The following DYNC1H1 variants were observed in gnomAD, a reference collection of about 807,000 sequenced individuals.
The protein encoded by DYNC1H1 is dynein cytoplasmic 1 heavy chain 1.
A neutral mutation model predicts 527.1 loss-of-function variants in DYNC1H1; 51 were observed. The ratio of observed to expected loss-of-function variants is 0.10; its 90% CI spans 0.08 to 0.12. The LOEUF is 0.12. DYNC1H1 is among the 10% of genes least tolerant of loss of function. The probability of loss-of-function intolerance (pLI) is 1.00; values close to 1 mark genes in which losing one functional copy is unlikely to be tolerated. For missense variants in DYNC1H1, 2,771 were observed against 5,971.8 expected, an observed-to-expected ratio of 0.46 and a Z score of 17.66; for synonymous variants, 2,189 against 2,278.8, an observed-to-expected ratio of 0.96 and a Z score of 1.12.
In DYNC1H1 at chr14:101,975,768, A is replaced by T. The variant is rs778763364; in HGVS notation, c.313A>T (p.Ile105Leu). ...EKEFISYNIN[I>L]DIHYGVKSNS... ...AGAATTCATTTCCTATAACATCAAC[A>T]TAGACATTCATTATGGGGTTAAATC... is the stretch of plus-strand genomic sequence containing the variant. Residue 105 changes from isoleucine (I) to leucine (L), a missense_variant, in exon 2 of 78, where the codon ATA (isoleucine) becomes TTA (leucine). By Grantham distance (5) the Ile-to-Leu change is conservative. This residue lies in a region of DYNC1H1 where 146 missense variants were observed against 288.1 expected (regional missense o/e 0.51). Transcript: ENST00000360184. 1 of 1,613,666 alleles carries T rather than the reference A, an allele frequency of 6.2e-7. No individual in the cohort carries two copies. The highest frequency in any genetic ancestry group is 8.5e-7 in the Non-Finnish European group (1 of 1,179,588).
intron 23 of DYNC1H1, among the ~76,000 whole-genome samples, chr14:102,003,567 A>T (rs1465079764): frequency 6.6e-6 from 1 of 152,190 alleles, no homozygotes; most frequent in Non-Finnish European, 1.5e-5. Context: ...AGCCTCTGAC[A>T]GTTTTCTAAG....
In DYNC1H1 at chr14:102,026,637, T is replaced by C; in HGVS notation, c.8701T>C (p.Tyr2901His). The C allele has an allele frequency of 6.2e-7, 1 of 1,614,232 alleles. No individual in the cohort carries two copies. Among genetic ancestry groups the C allele is most frequent in the South Asian group, 1.1e-5 (1 of 91,086 alleles). ...TGTCAAAGCTAGGCTGAAGGTCTTT[T>C]ATGAAGAAGAACTTGATGTTCCGCT... The part of the protein sequence containing the change: ...DYVKARLKVF[Y>H]EEELDVPLVL... The change falls in exon 44 of 78, where the codon TAT becomes CAT. Residue 2901 changes from tyrosine to histidine, a missense_variant. This residue lies in a region of DYNC1H1 where 84 missense variants were observed against 285.4 expected (regional missense o/e 0.29). Coordinates refer to ENST00000360184, the MANE Select transcript of DYNC1H1 (RefSeq NM_001376.5).
intron 10 of DYNC1H1, 38 bp downstream of exon 10, chr14:101,988,890 A>C (rs1467788931): frequency 5.6e-6 from 9 of 1,613,286 alleles, no homozygotes; most frequent in African/African-American, 1.3e-5. Context: ...CTAATAAGTG[A>C]AATAACAAAA....
At position 102,036,373 on chromosome 14, in the gene DYNC1H1, T is replaced by G; in HGVS notation, c.10755-116T>G. On this transcript the variant is annotated intron_variant, in intron 56 of 77. Transcript: ENST00000360184. This position sits in a 1 kb window ranked among gnomAD's most constrained non-coding sequence, Gnocchi z 5.6. ...CTGAAAACGTCTCCGGAAACCACTC[T>G]CGGGTGGTGGTAACAGCCTATCAAT... 1 of 1,390,402 alleles carries G rather than the reference T, an allele frequency of 7.2e-7. No individual in the cohort carries two copies. The highest frequency in any genetic ancestry group is 1.2e-5 in the South Asian group (1 of 85,768). 86.1% of individuals were successfully genotyped at this position (1,390,402 alleles called of 1,614,324 possible).
chr14:102,048,655 A>G lies in DYNC1H1; in HGVS notation c.13358A>G (p.Asn4453Ser). The G allele has an allele frequency of 6.2e-7, 1 of 1,613,330 alleles. No homozygotes were observed. The highest frequency in any genetic ancestry group is 1.3e-5 in the African/African-American group (1 of 75,036). ...ACCAACTACTTGCGCACGCTGATCA[A>G]CGAGCTAGTGAAAGGTGCGTGAGAG... ...KQTNYLRTLI[N>S]ELVKGILPRS... The change falls in exon 74 of 78, where the codon AAC (asparagine) becomes AGC (serine). Residue 4453 changes from asparagine (N) to serine (S), a missense_variant. By Grantham distance (46) the Asn-to-Ser change is conservative. Coordinates refer to ENST00000360184, the MANE Select transcript of DYNC1H1 (RefSeq NM_001376.5).
chr14:102,001,462 T>A lies in DYNC1H1; in HGVS notation c.4396-73T>A. ...TCATCTGTGGTCCTTTTGGTTCTTA[T>A]AATGCTGGGTCCCTTGTGCAGGTAG... On this transcript the variant is annotated intron_variant, in intron 20 of 77. Coordinates refer to ENST00000360184, the MANE Select transcript of DYNC1H1 (RefSeq NM_001376.5). The surrounding 1 kb of genome is among the most constrained non-coding windows in gnomAD (Gnocchi z 5.0). The A allele has an allele frequency of 6.2e-7, 1 of 1,613,688 alleles. No individual in the cohort carries two copies. The highest frequency in any genetic ancestry group is 8.5e-7 in the Non-Finnish European group (1 of 1,179,640).
At chr14:101,996,891 G>A in intron 15 of DYNC1H1, 144 bp from the exon 16 acceptor site, 1 of 1,222,624 alleles carries the variant, frequency 8.2e-7, no homozygotes, top group Non-Finnish European at 1.1e-6. Context: ...CCAAAGTGCT[G>A]GGATTACAGG....
At chr14:102,040,780 T>A in intron 64 of DYNC1H1, 107 bp downstream of exon 64, 1 of 1,301,812 alleles carries the variant, frequency 7.7e-7, no homozygotes, top group Non-Finnish European at 1.1e-6. Flanking sequence ...GGCAACATAG[T>A]AAGGCCCCAT....
At chr14:102,023,467 G>A in intron 43 of DYNC1H1, 1 of 189,656 alleles carries the variant, frequency 5.3e-6, no homozygotes. Flanking sequence ...GAGAATCTTT[G>A]GAACCCGGGA....
In DYNC1H1 at chr14:102,010,993, C is replaced by G. The variant is rs2048252444; in HGVS notation, c.6618+41C>G. 6.2e-7 allele frequency: 1 copy of G among 1,609,076 alleles called. No homozygotes were observed. Among genetic ancestry groups the G allele is most frequent in the Non-Finnish European group, 8.5e-7 (1 of 1,175,626 alleles). On this transcript the variant is annotated intron_variant, in intron 32 of 77. Transcript: ENST00000360184. The surrounding 1 kb of genome is among the most constrained non-coding windows in gnomAD (Gnocchi z 6.0). ...TCACTGGCCACTGCCCTCACAGACCCTGCTGGCTTTAGTGTCTGGTAATGA... is the reference window on the plus strand; with the variant it reads ...TCACTGGCCACTGCCCTCACAGACCGTGCTGGCTTTAGTGTCTGGTAATGA...
At chr14:101,973,630 C>T (rs1291382885) in intron 1 of DYNC1H1, among the ~76,000 whole-genome samples, 1 of 151,962 alleles carries the variant, frequency 6.6e-6, no homozygotes, top group African/African-American at 2.4e-5. Context: ...TAGAGAGACC[C>T]CATCTCTAAA....
chr14:101,977,196 T>C (rs544932688), intron 2 of DYNC1H1, among the ~76,000 whole-genome samples: 1 of 152,390 alleles, frequency 6.6e-6, no homozygotes, highest in Non-Finnish European at 1.5e-5. Flanking sequence ...CATTAAAATT[T>C]TTAATGCATG....
In DYNC1H1 at chr14:102,017,817, A is replaced by C; in HGVS notation, c.8177+313A>C. 1 of 391,318 alleles carries C rather than the reference A, an allele frequency of 2.6e-6. No individual in the cohort carries two copies. The highest frequency in any genetic ancestry group is 2.2e-5 in the South Asian group (1 of 45,698). The allele number at this position is 391,318 out of a possible 1,614,324, so 24.2% of individuals were successfully genotyped here. ...TCGTCTCTACTGAAAATACAAAAAC[A>C]AAATTAAGGCCGGGCGTGGTGGCTT... On this transcript the variant is annotated intron_variant, in intron 40 of 77. Coordinates refer to ENST00000360184, the MANE Select transcript of DYNC1H1 (RefSeq NM_001376.5). The surrounding 1 kb of genome is among the most constrained non-coding windows in gnomAD (Gnocchi z 4.6).
chr14:102,030,031 TTA>T, intron 50 of DYNC1H1, 93 bp downstream of exon 50: 2 of 1,606,952 alleles, frequency 1.2e-6, no homozygotes, highest in South Asian at 2.2e-5. Context: ...GGTCTTAGGG[TTA>T]GAGAGAGGGA....
At chr14:102,032,530 G>A (rs1404427802) in intron 52 of DYNC1H1, 63 bp downstream of exon 52, 19 of 1,599,476 alleles carry the variant, frequency 1.2e-5, no homozygotes, top group South Asian at 2.2e-5. Flanking sequence ...GGCCAGGCAC[G>A]GTGGCTCACG....
rs1399370425 is a variant in DYNC1H1, at chr14:101,997,900, A to G, written c.3804+626A>G. 6.6e-6 allele frequency among the ~76,000 whole-genome samples: 1 copy of G among 152,164 alleles called. No individual in the cohort carries two copies. The highest frequency in any genetic ancestry group is 1.5e-5 in the Non-Finnish European group (1 of 68,020). Reference sequence around the variant, plus strand: ...ATGAGCAAGAAGAGACAGGAAAGGCAGGTGGTGGTGCTGCTGCGACAGAAG... The same window carrying G: ...ATGAGCAAGAAGAGACAGGAAAGGCGGGTGGTGGTGCTGCTGCGACAGAAG... On this transcript the variant is annotated intron_variant, in intron 16 of 77. Coordinates refer to ENST00000360184, the MANE Select transcript of DYNC1H1 (RefSeq NM_001376.5). This position sits in a 1 kb window ranked among gnomAD's most constrained non-coding sequence, Gnocchi z 4.8.
intron 72 of DYNC1H1, 27 bp from the exon 73 acceptor site, chr14:102,047,790 T>C: frequency 6.2e-7 from 1 of 1,612,318 alleles, no homozygotes; most frequent in South Asian, 1.1e-5. Context: ...CCCTCCTTCC[T>C]GCTGCGACTG....
chr14:101,986,478 G>A lies in DYNC1H1; in HGVS notation c.2253G>A (p.Arg751=). The A allele has an allele frequency of 6.2e-7, 1 of 1,614,152 alleles. No individual in the cohort carries two copies. The highest frequency in any genetic ancestry group is 2.2e-5 in the East Asian group (1 of 44,882). ...PEIITLSKEV[R]NLKWLGFRVP... ...TTATCACACTATCCAAAGAAGTCCGGAACCTCAAATGGCTTGGTTTCCGCG... is the reference window on the plus strand; with the variant it reads ...TTATCACACTATCCAAAGAAGTCCGAAACCTCAAATGGCTTGGTTTCCGCG... The change falls in exon 8 of 78, where the codon CGG becomes CGA. Residue 751 remains arginine, a synonymous_variant. Transcript: ENST00000360184. This position sits in a 1 kb window ranked among gnomAD's most constrained non-coding sequence, Gnocchi z 8.7.
rs1422775777 is a variant in DYNC1H1 at position 102,041,493 on chromosome 14, T to G, written c.11942-81T>G. On this transcript the variant is annotated intron_variant, in intron 64 of 77. Transcript: ENST00000360184. The surrounding 1 kb of genome is among the most constrained non-coding windows in gnomAD (Gnocchi z 4.5). ...CTGAGCATTTGCTGAGTGGGTACTTTGGGAAGAACAGTCCAGGCAGGGGAG... is the reference window on the plus strand; with the variant it reads ...CTGAGCATTTGCTGAGTGGGTACTTGGGGAAGAACAGTCCAGGCAGGGGAG... 1 of 1,605,656 alleles carries G rather than the reference T, an allele frequency of 6.2e-7. No individual in the cohort carries two copies. The highest frequency in any genetic ancestry group is 8.5e-7 in the Non-Finnish European group (1 of 1,175,126).
Sources: gnomAD v4.1 joint callset for allele counts (sites outside exome capture counted in the v4.1 genomes callset) on GRCh38, gnomAD v4.1.1 for gene constraint, gnomAD v4.1.1 regional missense constraint, Gnocchi (gnomAD v3.1) non-coding constraint, MANE v1.5 for transcripts, NCBI Gene and HGNC (gene_info 2026-07-23, HGNC 2026-07-21) for gene names.